The following ZNF334 variants were observed in gnomAD, a reference collection of about 807,000 sequenced individuals.
The protein encoded by ZNF334 is zinc finger protein 334.
A neutral mutation model predicts 12.4 loss-of-function variants in ZNF334; 14 were observed. The observed-to-expected ratio is 1.13, with a 90% CI of 0.74 to 1.76. The LOEUF is 1.76. Ranked by LOEUF, ZNF334 falls within the 40% of genes most tolerant of loss-of-function variation. The pLI is 0.00. For missense variants in ZNF334, 797 were observed against 804.5 expected, an observed-to-expected ratio of 0.99 and a Z score of 0.11; for synonymous variants, 273 against 269.6, an observed-to-expected ratio of 1.01 and a Z score of -0.12.
At chr20:46,487,451 G>C in the ZNF334 span, among the ~76,000 whole-genome samples, 1 of 152,258 alleles carries the variant, frequency 6.6e-6, no homozygotes, top group African/African-American at 2.4e-5. Flanking sequence ...GTATTTGTCT[G>C]TTCTGGATGA....
At chr20:46,482,809 C>T in the ZNF334 span, among the ~76,000 whole-genome samples, 1 of 152,144 alleles carries the variant, frequency 6.6e-6, no homozygotes. Context: ...TAGCAGCACG[C>T]ATAGATGGCC....
At chr20:46,467,195 A>G in the ZNF334 span, among the ~76,000 whole-genome samples, 1 of 152,250 alleles carries the variant, frequency 6.6e-6, no homozygotes, top group Non-Finnish European at 1.5e-5. Flanking sequence ...AGAATATAAA[A>G]GAAAAAATAT....
the ZNF334 span, among the ~76,000 whole-genome samples, chr20:46,494,225 T>C: frequency 1.3e-5 from 2 of 152,202 alleles, no homozygotes; most frequent in South Asian, 4.1e-4. Context: ...CTCATAAACG[T>C]CGGTGGCAAC....
At chr20:46,506,803 A>G (rs1228047599) in intron 2 of ZNF334, among the ~76,000 whole-genome samples, 1 of 152,096 alleles carries the variant, frequency 6.6e-6, no homozygotes, top group Non-Finnish European at 1.5e-5. Flanking sequence ...ATCTTTCTAT[A>G]CGGTTTTGAT....
rs1029349747 is a variant in ZNF334 at position 46,501,658 on chromosome 20, G to A, written c.1681C>T (p.His561Tyr). Residue 561 changes from histidine to tyrosine, a missense_variant, in exon 5 of 5, where the codon CAC (histidine) becomes TAC (tyrosine). Physicochemically the swap from His to Tyr is moderately conservative, Grantham distance 83 (BLOSUM62 2). Transcript: ENST00000692313. The stretch of plus-strand genomic sequence containing the variant: ...TGTCCTGTGTGTGTTCTCTGATGGT[G>A]AGTCAGGGCTGACTTCCTGCAGTAG... ...RTYCRKSALTHHQRTHTGQRP... is the reference protein window; with the variant it reads ...RTYCRKSALTYHQRTHTGQRP... 1.2e-6 allele frequency: 2 copies of A among 1,613,638 alleles called. No individual in the cohort carries two copies. Among genetic ancestry groups the A allele is most frequent in the African/African-American group, 1.3e-5 (1 of 74,896 alleles).
chr20:46,503,695 G>T (rs1182613322), intron 4 of ZNF334, among the ~76,000 whole-genome samples: 1 of 152,126 alleles, frequency 6.6e-6, no homozygotes, highest in African/African-American at 2.4e-5. Context: ...GGATACCCAG[G>T]GCACCTGTGC....
At position 46,502,374 on chromosome 20, in the gene ZNF334, T is replaced by C; in HGVS notation, c.965A>G (p.Glu322Gly). Residue 322 changes from glutamate (E) to glycine (G), a missense_variant, in exon 5 of 5, where the codon GAG becomes GGG. Transcript: ENST00000692313. ...AAAGGTCTTTCCACATTCATTACAC[T>C]CATAGGATTTCTCCCCTCCATGAAT... Reference protein sequence around the residue: ...QKIHGGEKSYECNECGKTFFR... With the variant: ...QKIHGGEKSYGCNECGKTFFR... 1 of 1,614,126 alleles carries C rather than the reference T, an allele frequency of 6.2e-7. No individual in the cohort carries two copies. Among genetic ancestry groups the C allele is most frequent in the Non-Finnish European group, 8.5e-7 (1 of 1,180,014 alleles).
At chr20:46,475,561 T>G in the ZNF334 span, among the ~76,000 whole-genome samples, 1 of 151,514 alleles carries the variant, frequency 6.6e-6, no homozygotes, top group Non-Finnish European at 1.5e-5. Flanking sequence ...CAAAGACCTC[T>G]CGAAACTCAA....
At chr20:46,506,672 A>C in intron 2 of ZNF334, 2 of 229,334 alleles carry the variant, frequency 8.7e-6, no homozygotes, top group Non-Finnish European at 8.4e-6. Context: ...AAATTATGGA[A>C]AGGATACACC....
At chr20:46,510,944 C>G (rs1000159152) in intron 2 of ZNF334, among the ~76,000 whole-genome samples, 1 of 151,706 alleles carries the variant, frequency 6.6e-6, no homozygotes, top group African/African-American at 2.4e-5. Context: ...GCAAGAATCT[C>G]AAGCTGAGGT....
chr20:46,513,353 C>G lies in ZNF334; in HGVS notation c.-852G>C, dbSNP rs2061721048. On this transcript the variant is annotated 5_prime_UTR_variant, in exon 1 of 5. Coordinates refer to ENST00000692313, the MANE Select transcript of ZNF334 (RefSeq NM_001353824.2). Reference sequence around the variant, plus strand: ...CCACAGGAAACCCTCCCTCCAAAGACAGGGAGAGCGCGCGTCCACCCTCCG... The same window carrying G: ...CCACAGGAAACCCTCCCTCCAAAGAGAGGGAGAGCGCGCGTCCACCCTCCG... 6.6e-6 allele frequency: 1 copy of G among 152,522 alleles called. No individual in the cohort carries two copies. The highest frequency in any genetic ancestry group is 1.5e-5 in the Non-Finnish European group (1 of 68,302). The allele number at this position is 152,522 out of a possible 1,614,324, so 9.4% of individuals were successfully genotyped here. A position where few individuals can be genotyped will look rare whatever the true frequency, so the allele number is the denominator to read the frequency against.
chr20:46,483,858 CAGTTTATAAAATAATCTTA>C, the ZNF334 span, among the ~76,000 whole-genome samples: 3 of 152,200 alleles, frequency 2.0e-5, no homozygotes, highest in African/African-American at 7.2e-5. Flanking sequence ...CTGTTTATCA[CAGTTTATAAAATAATCTTA>C]ATGGATTTTT....
the ZNF334 span, among the ~76,000 whole-genome samples, chr20:46,478,654 A>C: frequency 6.6e-6 from 1 of 152,194 alleles, no homozygotes; most frequent in South Asian, 2.1e-4. Flanking sequence ...TTAACTTCGG[A>C]ATTTACTTTG....
chr20:46,464,037 G>C, the ZNF334 span: 4 of 634,726 alleles, frequency 6.3e-6, no homozygotes, highest in African/African-American at 5.5e-5. Flanking sequence ...CTTCTTCATT[G>C]TTGTCAAAGG....
chr20:46,494,651 T>C (rs1035565589), downstream of ZNF334, among the ~76,000 whole-genome samples: 1 of 152,202 alleles, frequency 6.6e-6, no homozygotes, highest in Non-Finnish European at 1.5e-5. Flanking sequence ...TCATCCCTAA[T>C]TTTGGTCCTT....
At chr20:46,469,655 T>G in the ZNF334 span, among the ~76,000 whole-genome samples, 1 of 152,086 alleles carries the variant, frequency 6.6e-6, no homozygotes, top group African/African-American at 2.4e-5. Context: ...TACAGACGTG[T>G]GCCACTGCGC....
At chr20:46,493,803 G>A in the ZNF334 span, among the ~76,000 whole-genome samples, 47 of 151,994 alleles carry the variant, frequency 3.1e-4, no homozygotes, top group Non-Finnish European at 1.6e-4. Context: ...GGTGGCGTGC[G>A]CCTTTAATCC....
chr20:46,509,369 G>C (rs1334406116), intron 2 of ZNF334, among the ~76,000 whole-genome samples: 1 of 152,116 alleles, frequency 6.6e-6, no homozygotes, highest in African/African-American at 2.4e-5. Context: ...GGGGTAGTGA[G>C]GGTGAGGGAA....
chr20:46,510,865 G>GT (rs1350026575), intron 2 of ZNF334, among the ~76,000 whole-genome samples: 1 of 151,836 alleles, frequency 6.6e-6, no homozygotes, highest in African/African-American at 2.4e-5. Context: ...TGAGCAAGTT[G>GT]TAAGTATTAT....
Sources: allele counts gnomAD v4.1 joint callset (sites outside exome capture counted in the v4.1 genomes callset), GRCh38; gene constraint gnomAD v4.1.1; transcripts MANE v1.5; gene names NCBI Gene and HGNC (gene_info 2026-07-23, HGNC 2026-07-21).